Variants in RGS6 observed in about 807,000 individuals in gnomAD.
RGS6 encodes the protein regulator of G-protein signaling 6.
A neutral mutation model predicts 78.5 loss-of-function variants in RGS6; 30 were observed. The ratio of observed to expected loss-of-function variants is 0.38; its 90% CI spans 0.29 to 0.52. The LOEUF is 0.52. RGS6 is among the 20% of genes least tolerant of loss of function. The pLI is 0.85. For synonymous variants in RGS6, 206 were observed against 206.0 expected (o/e 1.00, Z 0.00); for missense variants, 495 against 609.7 (o/e 0.81, Z 1.98).
intron 12 of RGS6, among the ~76,000 whole-genome samples, chr14:72,482,219 C>T (rs570292281): frequency 5.8e-4 from 89 of 152,286 alleles, no homozygotes; most frequent in Non-Finnish European, 9.1e-4. Flanking sequence ...ACTCAAGAGT[C>T]AGTAGTCTTC....
At chr14:72,268,602 G>A (rs17093776) in intron 2 of RGS6, among the ~76,000 whole-genome samples, 3,626 of 152,224 alleles carry the variant, frequency 0.024, 132 homozygotes, top group African/African-American at 0.083. Flanking sequence ...ATTTTCACCC[G>A]AAATAGGATT....
At chr14:71,927,650 A>G (rs529473810), upstream of RGS6, among the ~76,000 whole-genome samples, 1 of 151,100 alleles carries the variant, frequency 6.6e-6, no homozygotes, top group African/African-American at 2.4e-5. Flanking sequence ...AAGTTCAAGA[A>G]TCCTTTTTTT....
At chr14:72,242,613 G>A (rs1328855766) in intron 2 of RGS6, among the ~76,000 whole-genome samples, 1 of 152,068 alleles carries the variant, frequency 6.6e-6, no homozygotes, top group South Asian at 2.1e-4. Flanking sequence ...TAAATTACCA[G>A]TAAGGGATGA....
chr14:72,208,852 G>A (rs946595409), intron 2 of RGS6, among the ~76,000 whole-genome samples: 1 of 152,104 alleles, frequency 6.6e-6, no homozygotes, highest in Non-Finnish European at 1.5e-5. Context: ...AAGCATAATT[G>A]CTTTCTCCCT....
At chr14:72,271,328 A>G (rs2059903588) in intron 2 of RGS6, among the ~76,000 whole-genome samples, 1 of 152,238 alleles carries the variant, frequency 6.6e-6, no homozygotes, top group South Asian at 2.1e-4. Context: ...GAGCTTGTGC[A>G]GGGGAACTCC....
At chr14:72,596,179 A>G in the RGS6 span, among the ~76,000 whole-genome samples, 11,182 of 152,222 alleles carry the variant, frequency 0.073, 1,459 homozygotes, top group African/African-American at 0.26. Flanking sequence ...CATTCCTTTC[A>G]GGCTCTAGGG....
intron 2 of RGS6, among the ~76,000 whole-genome samples, chr14:72,186,088 G>A (rs138043447): frequency 0.01 from 1,528 of 152,334 alleles, 25 homozygotes; most frequent in African/African-American, 0.034. Context: ...GGCAGCTGGC[G>A]TGGAGGGTGT....
the RGS6 span, among the ~76,000 whole-genome samples, chr14:71,926,115 AT>A: frequency 6.6e-6 from 1 of 152,232 alleles, no homozygotes; most frequent in African/African-American, 2.4e-5. Context: ...ATTCAGCACA[AT>A]CACTATCAAA....
At chr14:72,265,681 C>T (rs1448569820) in intron 2 of RGS6, among the ~76,000 whole-genome samples, 1 of 152,134 alleles carries the variant, frequency 6.6e-6, no homozygotes, top group Non-Finnish European at 1.5e-5. Flanking sequence ...TGTGTCATTA[C>T]AGTAGCTCTC....
chr14:71,925,450 T>C, the RGS6 span, among the ~76,000 whole-genome samples: 1 of 152,220 alleles, frequency 6.6e-6, no homozygotes, highest in Non-Finnish European at 1.5e-5. Flanking sequence ...CCTGAGCCTT[T>C]GGTATAACAT....
At chr14:72,045,287 TTGCCTTTTAGCA>T (rs2092742162) in intron 2 of RGS6, among the ~76,000 whole-genome samples, 1 of 152,246 alleles carries the variant, frequency 6.6e-6, no homozygotes. Flanking sequence ...TTGTTTTTTC[TTGCCTTTTAGCA>T]TGCCTTGTAA....
chr14:72,407,093 T>C (rs1477463061), intron 3 of RGS6, among the ~76,000 whole-genome samples: 1 of 152,256 alleles, frequency 6.6e-6, no homozygotes, highest in African/African-American at 2.4e-5. Context: ...ATTACATTGG[T>C]TTGTAATGTA....
chr14:72,202,834 A>T (rs2041863539), intron 2 of RGS6, among the ~76,000 whole-genome samples: 1 of 151,914 alleles, frequency 6.6e-6, no homozygotes, highest in African/African-American at 2.4e-5. Context: ...GTCCCATGCT[A>T]TAACAGGGAT....
intron 3 of RGS6, among the ~76,000 whole-genome samples, chr14:72,374,802 C>G (rs1372901229): frequency 2.0e-5 from 3 of 152,160 alleles, no homozygotes; most frequent in Non-Finnish European, 4.4e-5. Flanking sequence ...TAGGTCAAAG[C>G]TGGTAACTAT....
intron 2 of RGS6, among the ~76,000 whole-genome samples, chr14:72,115,660 A>G (rs1000586485): frequency 6.6e-6 from 1 of 152,146 alleles, no homozygotes; most frequent in Non-Finnish European, 1.5e-5. Flanking sequence ...CTGGCCCCCC[A>G]TCAACTTTCA....
At chr14:72,384,656 C>G (rs1183792092) in intron 3 of RGS6, among the ~76,000 whole-genome samples, 1 of 152,270 alleles carries the variant, frequency 6.6e-6, no homozygotes. Flanking sequence ...CCCCGAGTGT[C>G]AGTAGGAAAT....
At chr14:72,441,483 A>G (rs2095199388) in intron 3 of RGS6, among the ~76,000 whole-genome samples, 1 of 152,164 alleles carries the variant, frequency 6.6e-6, no homozygotes, top group African/African-American at 2.4e-5. Flanking sequence ...AGGGCAGTGC[A>G]GCTTGGTCAC....
the RGS6 span, chr14:71,908,434 G>A: frequency 6.6e-6 from 1 of 152,194 alleles, no homozygotes; most frequent in Non-Finnish European, 1.5e-5. Context: ...ACATGCTGTA[G>A]GTAGGATTTC....
chr14:71,991,044 G>A (rs549018587), intron 2 of RGS6: 2 of 359,088 alleles, frequency 5.6e-6, no homozygotes, highest in African/African-American at 2.1e-5. Flanking sequence ...AACATTTTCT[G>A]TTTGTCTCCC....
Sources: allele counts gnomAD v4.1 joint callset (sites outside exome capture counted in the v4.1 genomes callset), GRCh38; gene constraint gnomAD v4.1.1; transcripts MANE v1.5; gene names NCBI Gene and HGNC (gene_info 2026-07-23, HGNC 2026-07-21).